CDH3: variants seen among roughly 807,000 people sequenced by gnomAD.
CDH3 encodes cadherin-3.
CDH3 carries 54 observed loss-of-function variants against 82.0 expected under a neutral mutation model. That is an observed-to-expected ratio of 0.66 (90% CI 0.53 to 0.83). The LOEUF (loss-of-function observed/expected upper bound fraction) is 0.83. Among genes scored for constraint, CDH3 ranks in the 40% least tolerant of loss-of-function variants. The probability of loss-of-function intolerance (pLI) is 0.00; values close to 1 mark genes in which losing one functional copy is unlikely to be tolerated. For synonymous variants in CDH3, 446 were observed against 437.9 expected, an observed-to-expected ratio of 1.02 and a Z score of -0.23; for missense variants, 1,054 against 1,084.6, an observed-to-expected ratio of 0.97 and a Z score of 0.40.
chr16:68,712,707 C>T (rs1044184125), intron 1 of CDH3, among the ~76,000 whole-genome samples: 33 of 150,722 alleles, frequency 2.2e-4, no homozygotes, highest in Admixed American at 5.3e-4. Flanking sequence ...TTTGAGATGG[C>T]GACTCCCTCT....
downstream of CDH3, among the ~76,000 whole-genome samples, chr16:68,702,501 A>G (rs1294024048): frequency 1.3e-5 from 2 of 152,204 alleles, no homozygotes; most frequent in Non-Finnish European, 2.9e-5. Context: ...CCTGGCACTC[A>G]TTCTATTAAG....
intron 1 of CDH3, among the ~76,000 whole-genome samples, chr16:68,715,716 G>C (rs1962088042): frequency 6.6e-6 from 1 of 152,224 alleles, no homozygotes; most frequent in Non-Finnish European, 1.5e-5. Context: ...GAGGTCCTGG[G>C]AATGGTTAAC....
chr16:68,682,234 G>T lies in CDH3; in HGVS notation c.997-68G>T, dbSNP rs1311785155. On this transcript the variant is annotated intron_variant, in intron 8 of 15. Coordinates refer to ENST00000264012, the MANE Select transcript of CDH3 (RefSeq NM_001793.6). ...GGGGATCCCCTGAGGTTGGATGGAGGCTTCTCAGCCTCTGGAGTAGGACAG... is the reference window on the plus strand; with the variant it reads ...GGGGATCCCCTGAGGTTGGATGGAGTCTTCTCAGCCTCTGGAGTAGGACAG... 2.0e-6 allele frequency: 3 copies of T among 1,535,172 alleles called. No individual in the cohort carries two copies. In the African/African-American group the frequency reaches 4.1e-5, roughly 21 times the overall value.
intron 1 of CDH3, among the ~76,000 whole-genome samples, chr16:68,709,938 A>C (rs1453806338): frequency 1.3e-5 from 2 of 152,166 alleles, no homozygotes; most frequent in Non-Finnish European, 2.9e-5. Flanking sequence ...TGTCCCAGCC[A>C]CCAGCACCCC....
At chr16:68,711,307 CAGAGAG>C (rs549679844) in intron 1 of CDH3, among the ~76,000 whole-genome samples, 1 of 146,448 alleles carries the variant, frequency 6.8e-6, no homozygotes, top group Non-Finnish European at 1.5e-5. Flanking sequence ...GAAACTCCAG[CAGAGAG>C]AGAGAGAGGG....
At chr16:68,659,191 G>A (rs1960492236) in intron 2 of CDH3, among the ~76,000 whole-genome samples, 1 of 152,120 alleles carries the variant, frequency 6.6e-6, no homozygotes, top group South Asian at 2.1e-4. Context: ...AGCTAAGTAA[G>A]TAGTAGAGCT....
chr16:68,703,210 A>C (rs571275249), downstream of CDH3, among the ~76,000 whole-genome samples: 13 of 152,194 alleles, frequency 8.5e-5, no homozygotes, highest in Non-Finnish European at 1.5e-4. Flanking sequence ...CAGTCCCTAG[A>C]GAGGCCTGAG....
intron 1 of CDH3, among the ~76,000 whole-genome samples, chr16:68,706,651 C>T (rs1961968672): frequency 7.1e-6 from 1 of 140,222 alleles, no homozygotes; most frequent in South Asian, 2.4e-4. Context: ...CTCCCAGGTT[C>T]AAGCGATTCT....
chr16:68,651,647 C>T (rs1597789536), intron 2 of CDH3: 2 of 509,014 alleles, frequency 3.9e-6, no homozygotes, highest in Non-Finnish European at 7.8e-6. Context: ...CAAACAGGTC[C>T]ATGGGGTTCA....
chr16:68,703,545 C>T (rs1003245196), downstream of CDH3, among the ~76,000 whole-genome samples: 22 of 152,232 alleles, frequency 1.4e-4, no homozygotes, highest in African/African-American at 4.3e-4. Flanking sequence ...CTTCTGGCCT[C>T]CCGTTAAAAC....
chr16:68,709,604 G>A (rs1962003763), intron 1 of CDH3, among the ~76,000 whole-genome samples: 1 of 152,138 alleles, frequency 6.6e-6, no homozygotes, highest in Admixed American at 6.5e-5. Flanking sequence ...GATTGTAGGC[G>A]CCCTCCACCA....
intron 11 of CDH3, chr16:68,686,682 A>G: frequency 2.5e-6 from 2 of 794,056 alleles, no homozygotes; most frequent in Non-Finnish European, 4.5e-6. Flanking sequence ...AAGTACGTAG[A>G]CTGAAATAAG....
At chr16:68,686,714 C>T (rs1961422953) in intron 11 of CDH3, 12 of 742,602 alleles carry the variant, frequency 1.6e-5, no homozygotes, top group Non-Finnish European at 2.7e-5. Context: ...ATGGCATCAA[C>T]GTGAAGCTGC....
In CDH3 at chr16:68,715,320, G is replaced by A. The variant is rs186855091; in HGVS notation, c.100-7105G>A. On this transcript the variant is annotated intron_variant, in intron 1 of 2. Coordinates refer to the CDH3 transcript ENST00000569080. ...TGCAGCCCTGTAGTCCCAGCTACTC[G>A]GGAGGCTGAGGCAGGAGAATTACTT... Among the ~76,000 whole-genome samples the A allele has an allele frequency of 1.2e-3, 186 of 151,946 alleles. 1 individual carries two copies. The Middle Eastern group carries it at 0.014, about 11-fold the overall frequency.
intron 1 of CDH3, among the ~76,000 whole-genome samples, chr16:68,712,364 G>A (rs762371877): frequency 1.1e-4 from 16 of 152,056 alleles, no homozygotes; most frequent in Admixed American, 7.2e-4. Context: ...AGCAGCTGGA[G>A]CTGGGAGTAA....
downstream of CDH3, among the ~76,000 whole-genome samples, chr16:68,702,427 G>C (rs984957192): frequency 1.3e-5 from 2 of 152,102 alleles, no homozygotes; most frequent in Admixed American, 6.5e-5. Flanking sequence ...TCGTGGTCCC[G>C]GTTGAGATCA....
chr16:68,691,311 A>G (rs1213449051), intron 12 of CDH3, among the ~76,000 whole-genome samples: 1 of 151,712 alleles, frequency 6.6e-6, no homozygotes. Context: ...GCCCTCCTTT[A>G]CTTTCTTAAT....
At chr16:68,693,903 A>G (rs1252296123) in intron 13 of CDH3, among the ~76,000 whole-genome samples, 2 of 152,076 alleles carry the variant, frequency 1.3e-5, no homozygotes, top group Non-Finnish European at 2.9e-5. Context: ...AGTTCCCCCC[A>G]TGTCCAAATA....
chr16:68,675,803 A>G (rs1336164370), intron 2 of CDH3, among the ~76,000 whole-genome samples: 2 of 151,990 alleles, frequency 1.3e-5, no homozygotes, highest in South Asian at 2.1e-4. Context: ...GAAAAAAAAA[A>G]AAAAGAAAAG....
Sources: gnomAD v4.1 joint callset for allele counts (sites outside exome capture counted in the v4.1 genomes callset) on GRCh38, gnomAD v4.1.1 for gene constraint, MANE v1.5 for transcripts, NCBI Gene and HGNC (gene_info 2026-07-23, HGNC 2026-07-21) for gene names.